Variants in RNF144A observed in about 807,000 individuals in gnomAD.
RNF144A encodes the protein E3 ubiquitin-protein ligase RNF144A.
Under a neutral mutation model 38.7 loss-of-function variants are expected in RNF144A, and 11 were observed. The observed-to-expected ratio is 0.28, with a 90% confidence interval of 0.18 to 0.47. RNF144A has a LOEUF of 0.47. RNF144A is among the 20% of genes least tolerant of loss of function. The pLI, the probability that RNF144A is intolerant of heterozygous loss-of-function variation, is 0.99. For synonymous variants in RNF144A, 149 were observed against 143.9 expected, an observed-to-expected ratio of 1.04 and a Z score of -0.25; for missense variants, 316 against 377.2, an observed-to-expected ratio of 0.84 and a Z score of 1.34.
At chr2:6,998,832 T>C (rs1372473946) in intron 3 of RNF144A, among the ~76,000 whole-genome samples, 2 of 150,890 alleles carry the variant, frequency 1.3e-5, no homozygotes, top group African/African-American at 4.9e-5. Context: ...CACCTCCTCT[T>C]ACTTGAAAGG....
At chr2:7,009,448 G>T (rs1352643730) in intron 3 of RNF144A, among the ~76,000 whole-genome samples, 2 of 152,142 alleles carry the variant, frequency 1.3e-5, no homozygotes, top group African/African-American at 4.8e-5. Context: ...TGAGAGCACA[G>T]GAGGCGGCGG....
In RNF144A at chr2:6,962,811, A is replaced by T. The variant is rs149342039; in HGVS notation, c.-12+21664A>T. Among the ~76,000 whole-genome samples, 51 of 152,330 alleles carry T rather than the reference A, an allele frequency of 3.3e-4. No homozygotes were observed. The highest frequency in any genetic ancestry group is 1.1e-3 in the African/African-American group (46 of 41,584). ...ACTGAGCACAGGCATTCATGCACAG[A>T]AGGTCCTCAGTTAATGACTGGCCCA... is the stretch of plus-strand genomic sequence containing the variant. On this transcript the variant is annotated intron_variant, in intron 2 of 8. Coordinates refer to ENST00000320892, the MANE Select transcript of RNF144A (RefSeq NM_014746.6). The surrounding 1 kb of genome is among the most constrained non-coding windows in gnomAD (Gnocchi z 4.1).
intron 8 of RNF144A, among the ~76,000 whole-genome samples, chr2:7,038,094 C>G (rs528018289): frequency 6.6e-6 from 1 of 152,328 alleles, no homozygotes; most frequent in East Asian, 1.9e-4. Context: ...GGCCTTTACT[C>G]ATAACTAGGG....
rs2103465743 is a variant in RNF144A, at chr2:7,042,458, C to T, written c.*2698C>T. 1 of 985,498 alleles carries T rather than the reference C, an allele frequency of 1.0e-6. No individual in the cohort carries two copies. The highest frequency in any genetic ancestry group is 1.7e-5 in the African/African-American group (1 of 57,382). 61.0% of individuals were successfully genotyped at this position (985,498 alleles called of 1,614,324 possible). ...CATATGGCATGTGTTCACTAAGAGG[C>T]CTTTAATCCTGGGGAGTAAGGGGCG... On this transcript the variant is annotated 3_prime_UTR_variant, in exon 9 of 9. Coordinates refer to ENST00000320892, the MANE Select transcript of RNF144A (RefSeq NM_014746.6).
rs567278163 is a variant in RNF144A at position 6,947,323 on chromosome 2, C to T, written c.-12+6176C>T. On this transcript the variant is annotated intron_variant, in intron 2 of 8. Coordinates refer to ENST00000320892, the MANE Select transcript of RNF144A (RefSeq NM_014746.6). ...TGCAGTAATTTTTAATAGTTGGAACCTTATGGTAACAAGCTATTTCAAAAA... is the reference window on the plus strand; with the variant it reads ...TGCAGTAATTTTTAATAGTTGGAACTTTATGGTAACAAGCTATTTCAAAAA... Among the ~76,000 whole-genome samples the T allele has an allele frequency of 1.5e-3, 231 of 151,478 alleles. 1 individual carries two copies. The highest frequency in any genetic ancestry group is 5.4e-3 in the African/African-American group (221 of 41,308).
At chr2:7,006,452 T>G (rs1670447186) in intron 3 of RNF144A, among the ~76,000 whole-genome samples, 2 of 152,010 alleles carry the variant, frequency 1.3e-5, no homozygotes, top group South Asian at 4.2e-4. Context: ...GACCTGTGTT[T>G]TGGGAAGGGA....
In RNF144A at chr2:7,043,370, T is replaced by C. The variant is rs1673166959; in HGVS notation, c.*3610T>C. On this transcript the variant is annotated 3_prime_UTR_variant, in exon 9 of 9. Coordinates refer to ENST00000320892, the MANE Select transcript of RNF144A (RefSeq NM_014746.6). ...TTTACAAATTAAAAAAACATTTTTTTCTTGGTAGTCTTTAAAAATTAGGGG... is the reference window on the plus strand; with the variant it reads ...TTTACAAATTAAAAAAACATTTTTTCCTTGGTAGTCTTTAAAAATTAGGGG... The C allele has an allele frequency of 1.0e-6, 1 of 985,222 alleles. No homozygotes were observed. The highest frequency in any genetic ancestry group is 1.7e-5 in the African/African-American group (1 of 57,352). The allele number at this position is 985,222 out of a possible 1,614,324, so 61.0% of individuals were successfully genotyped here.
intron 6 of RNF144A, among the ~76,000 whole-genome samples, chr2:7,057,982 TGAA>T (rs531822817): frequency 1.1e-3 from 164 of 152,338 alleles, no homozygotes; most frequent in African/African-American, 3.8e-3. Flanking sequence ...GGAGTAGAAG[TGAA>T]GAAGTTAATG....
At chr2:7,035,175 G>A (rs954695202) in intron 8 of RNF144A, among the ~76,000 whole-genome samples, 1 of 152,078 alleles carries the variant, frequency 6.6e-6, no homozygotes, top group African/African-American at 2.4e-5. Flanking sequence ...GCCCTGTTTT[G>A]TTCCTTCTCC....
intron 3 of RNF144A, among the ~76,000 whole-genome samples, chr2:7,009,755 GCCTCCAGCCTCCTTAACCACAGC>G (rs1461051970): frequency 5.9e-5 from 9 of 152,180 alleles, no homozygotes; most frequent in Non-Finnish European, 1.0e-4. Context: ...AGGAGGTCGT[GCCTCCAGCCTCCTTAACCACAGC>G]CCTCCAGCCT....
chr2:7,074,435 G>A, the RNF144A span: 2 of 152,064 alleles, frequency 1.3e-5, no homozygotes, highest in East Asian at 3.9e-4. Flanking sequence ...ATTAAGTTAT[G>A]GATTTCTAGT....
At chr2:6,971,658 CT>C (rs1668005651) in intron 2 of RNF144A, among the ~76,000 whole-genome samples, 1 of 152,142 alleles carries the variant, frequency 6.6e-6, no homozygotes, top group Non-Finnish European at 1.5e-5. Context: ...GGCAGCACTG[CT>C]TACCTGGGCC....
At chr2:6,978,721 C>A (rs1190322929) in intron 2 of RNF144A, 1 of 152,650 alleles carries the variant, frequency 6.6e-6, no homozygotes, top group South Asian at 2.1e-4. Context: ...GCTGGTTCTG[C>A]AGTCTGAGCC....
intron 2 of RNF144A, among the ~76,000 whole-genome samples, chr2:6,964,930 G>A (rs1039706964): frequency 1.3e-5 from 2 of 151,952 alleles, no homozygotes; most frequent in Non-Finnish European, 2.9e-5. Flanking sequence ...TAACTAACCT[G>A]CGCATTGTGC....
At chr2:7,025,961 A>G (rs1671868199) in intron 7 of RNF144A, among the ~76,000 whole-genome samples, 2 of 152,128 alleles carry the variant, frequency 1.3e-5, no homozygotes, top group African/African-American at 4.8e-5. Context: ...GTTCTTTCTT[A>G]TGAGTGTTTC....
chr2:7,003,226 A>G (rs1670228253), intron 3 of RNF144A, among the ~76,000 whole-genome samples: 1 of 152,222 alleles, frequency 6.6e-6, no homozygotes, highest in African/African-American at 2.4e-5. Context: ...AGGTTAACTT[A>G]TTGAAGAATG....
intron 2 of RNF144A, among the ~76,000 whole-genome samples, chr2:6,965,862 G>A (rs1436158200): frequency 6.6e-6 from 1 of 151,982 alleles, no homozygotes; most frequent in African/African-American, 2.4e-5. Context: ...CACTTATTAA[G>A]CTTTCAGTTT....
At chr2:6,929,860 A>G (rs911834446) in intron 1 of RNF144A, among the ~76,000 whole-genome samples, 1 of 152,254 alleles carries the variant, frequency 6.6e-6, no homozygotes. Context: ...TATTTAAAAA[A>G]ACAATTCTAA....
intron 2 of RNF144A, among the ~76,000 whole-genome samples, chr2:6,969,544 A>G (rs1667871198): frequency 6.6e-6 from 1 of 152,234 alleles, no homozygotes; most frequent in South Asian, 2.1e-4. Flanking sequence ...GGAGCCACTC[A>G]GTCTGTGGTG....
Sources: allele counts gnomAD v4.1 joint callset (sites outside exome capture counted in the v4.1 genomes callset), GRCh38; gene constraint gnomAD v4.1.1; non-coding constraint Gnocchi (gnomAD v3.1); transcripts MANE v1.5; gene names NCBI Gene and HGNC (gene_info 2026-07-23, HGNC 2026-07-21).